The following ATXN1 variants were observed in gnomAD, a reference collection of about 807,000 sequenced individuals.
The protein encoded by ATXN1 is ataxin 1.
In ATXN1, 8 loss-of-function variants were observed where a neutral mutation model predicts 56.4. That is an observed-to-expected ratio of 0.14 (90% confidence interval 0.08 to 0.26). The LOEUF (loss-of-function observed/expected upper bound fraction) is 0.26, where lower values mean the gene tolerates loss of function less well. Among genes scored for constraint, ATXN1 ranks in the 10% least tolerant of loss-of-function variants. The pLI is 1.00. For missense variants in ATXN1, 987 were observed against 1,106.5 expected, an observed-to-expected ratio of 0.89 and a Z score of 1.53; for synonymous variants, 514 against 494.6, an observed-to-expected ratio of 1.04 and a Z score of -0.52.
intron 6 of ATXN1, among the ~76,000 whole-genome samples, chr6:16,457,562 A>C (rs775931768): frequency 1.3e-5 from 2 of 152,118 alleles, no homozygotes; most frequent in Non-Finnish European, 2.9e-5. Flanking sequence ...TATCTCTCTA[A>C]TAGGGAAAAA....
chr6:16,533,882 C>A (rs1761549135), intron 4 of ATXN1, among the ~76,000 whole-genome samples: 1 of 152,144 alleles, frequency 6.6e-6, no homozygotes, highest in Non-Finnish European at 1.5e-5. Flanking sequence ...ATTTGCATAG[C>A]ACTATTCCCT....
chr6:16,726,133 C>A (rs919684267), intron 2 of ATXN1, among the ~76,000 whole-genome samples: 7 of 152,200 alleles, frequency 4.6e-5, no homozygotes, highest in African/African-American at 1.7e-4. Context: ...GTAATCCCAG[C>A]ACTTTGGGAG....
At chr6:16,462,587 G>A (rs1413319566) in intron 6 of ATXN1, among the ~76,000 whole-genome samples, 1 of 152,064 alleles carries the variant, frequency 6.6e-6, no homozygotes, top group Admixed American at 6.6e-5. Context: ...CTCCTGCCGG[G>A]ACAAAAATCC....
intron 6 of ATXN1, among the ~76,000 whole-genome samples, chr6:16,347,193 T>G (rs1304081259): frequency 6.6e-6 from 1 of 152,188 alleles, no homozygotes; most frequent in African/African-American, 2.4e-5. Context: ...CAGCGCCCAG[T>G]CCCATCGACC....
intron 2 of ATXN1, among the ~76,000 whole-genome samples, chr6:16,752,380 T>C (rs1314011035): frequency 6.6e-6 from 1 of 152,096 alleles, no homozygotes; most frequent in Non-Finnish European, 1.5e-5. Context: ...GCAGGAAACA[T>C]TCTGATTCAT....
chr6:16,354,329 C>A (rs1217108524), intron 6 of ATXN1, among the ~76,000 whole-genome samples: 2 of 152,038 alleles, frequency 1.3e-5, no homozygotes, highest in Non-Finnish European at 2.9e-5. Context: ...GCAATCTCGG[C>A]TCACTGCAAC....
At chr6:16,661,983 A>G (rs1232044759) in intron 2 of ATXN1, among the ~76,000 whole-genome samples, 1 of 152,234 alleles carries the variant, frequency 6.6e-6, no homozygotes, top group Non-Finnish European at 1.5e-5. Context: ...TTGTTGTTTT[A>G]AGCCACTAAG....
At chr6:16,740,693 T>G (rs754808803) in intron 2 of ATXN1, among the ~76,000 whole-genome samples, 4 of 152,144 alleles carry the variant, frequency 2.6e-5, no homozygotes, top group Non-Finnish European at 5.9e-5. Flanking sequence ...ATATAATTTT[T>G]TATTTATTTA....
At chr6:16,626,488 C>T (rs939419228) in intron 3 of ATXN1, among the ~76,000 whole-genome samples, 3 of 152,048 alleles carry the variant, frequency 2.0e-5, no homozygotes, top group Non-Finnish European at 4.4e-5. Flanking sequence ...GACGGGGTTT[C>T]ACCATGTTGG....
chr6:16,569,549 G>T (rs1762293737), intron 4 of ATXN1, among the ~76,000 whole-genome samples: 1 of 129,670 alleles, frequency 7.7e-6, no homozygotes, highest in Non-Finnish European at 1.7e-5. Flanking sequence ...AAAAAAAACA[G>T]TTCCGATTGA....
At chr6:16,572,979 A>G (rs773122975) in intron 4 of ATXN1, among the ~76,000 whole-genome samples, 1 of 152,164 alleles carries the variant, frequency 6.6e-6, no homozygotes, top group East Asian at 1.9e-4. Flanking sequence ...AGTAGACCTG[A>G]CATTTTTATC....
At chr6:16,490,679 G>A (rs1760641981) in intron 5 of ATXN1, among the ~76,000 whole-genome samples, 1 of 151,910 alleles carries the variant, frequency 6.6e-6, no homozygotes, top group South Asian at 2.1e-4. Context: ...TAGCATTTTT[G>A]CCTGAACAGC....
At chr6:16,724,956 AG>A (rs1759818418) in intron 2 of ATXN1, among the ~76,000 whole-genome samples, 1 of 152,228 alleles carries the variant, frequency 6.6e-6, no homozygotes, top group South Asian at 2.1e-4. Flanking sequence ...AGAGAAAGAC[AG>A]GAAGTGGAGA....
chr6:16,470,119 T>G (rs13193551), intron 6 of ATXN1, among the ~76,000 whole-genome samples: 2 of 152,070 alleles, frequency 1.3e-5, no homozygotes, highest in Non-Finnish European at 2.9e-5. Flanking sequence ...CTAAATGTGG[T>G]CTACACATAC....
At chr6:16,486,519 CTA>C (rs1202557522) in intron 5 of ATXN1, among the ~76,000 whole-genome samples, 1 of 152,194 alleles carries the variant, frequency 6.6e-6, no homozygotes, top group Non-Finnish European at 1.5e-5. Context: ...AAGAAATCCA[CTA>C]TGTTAATGCA....
intron 6 of ATXN1, among the ~76,000 whole-genome samples, chr6:16,426,584 A>AGT (rs56706428): frequency 0.011 from 1,567 of 145,064 alleles, 26 homozygotes; most frequent in African/African-American, 0.037. Flanking sequence ...GGTGGGGCCG[A>AGT]GTGTGTGTGT....
At chr6:16,317,838 C>G (rs1201810451) in intron 7 of ATXN1, among the ~76,000 whole-genome samples, 2 of 152,160 alleles carry the variant, frequency 1.3e-5, no homozygotes, top group East Asian at 3.9e-4. Context: ...CCTAAATCGA[C>G]TCCTCTAGAA....
chr6:16,603,195 C>T, intron 3 of ATXN1, among the ~76,000 whole-genome samples: 1 of 152,192 alleles, frequency 6.6e-6, no homozygotes, highest in East Asian at 1.9e-4. Context: ...GTCTTGGGCC[C>T]TCGAGCCAGG....
intron 6 of ATXN1, among the ~76,000 whole-genome samples, chr6:16,466,294 G>A (rs1331714120): frequency 7.6e-6 from 1 of 130,932 alleles, no homozygotes; most frequent in African/African-American, 3.0e-5. Flanking sequence ...CTCCAGTCTG[G>A]GTGACAGAGT....
Sources: allele counts gnomAD v4.1 joint callset (sites outside exome capture counted in the v4.1 genomes callset), GRCh38; gene constraint gnomAD v4.1.1; transcripts MANE v1.5; gene names NCBI Gene and HGNC (gene_info 2026-07-23, HGNC 2026-07-21).